SPSB4: variants seen among roughly 807,000 people sequenced by gnomAD.
SPSB4 encodes SPRY domain-containing SOCS box protein 4.
In SPSB4, 21 loss-of-function variants were observed where a neutral mutation model predicts 20.9. That is an observed-to-expected ratio of 1.01 (90% CI 0.71 to 1.45). The LOEUF (loss-of-function observed/expected upper bound fraction) is 1.45. Among genes scored for constraint, SPSB4 ranks in the 40% most tolerant of loss-of-function variants. SPSB4 has a pLI of 0.00. For missense variants in SPSB4, 399 were observed against 399.2 expected, an observed-to-expected ratio of 1.00 and a Z score of 0.00; for synonymous variants, 207 against 183.8, an observed-to-expected ratio of 1.13 and a Z score of -1.02.
chr3:141,057,659 G>C (rs1412091071), intron 1 of SPSB4, among the ~76,000 whole-genome samples: 1 of 152,168 alleles, frequency 6.6e-6, no homozygotes, highest in African/African-American at 2.4e-5. Flanking sequence ...TAAGAGCTGT[G>C]GTGGGCACAA....
At chr3:141,126,578 AC>A (rs752603480) in intron 2 of SPSB4, among the ~76,000 whole-genome samples, 10 of 152,146 alleles carry the variant, frequency 6.6e-5, no homozygotes, top group Non-Finnish European at 1.0e-4. Context: ...CATTGTATCA[AC>A]CCCAGAGGAT....
At chr3:141,062,157 G>T (rs1456640250) in intron 1 of SPSB4, among the ~76,000 whole-genome samples, 1 of 152,072 alleles carries the variant, frequency 6.6e-6, no homozygotes, top group Non-Finnish European at 1.5e-5. Flanking sequence ...TGACCTTGCC[G>T]GTTAGGTCAG....
intron 2 of SPSB4, among the ~76,000 whole-genome samples, chr3:141,084,815 T>A (rs1054942615): frequency 3.3e-5 from 5 of 152,236 alleles, no homozygotes; most frequent in African/African-American, 1.2e-4. Flanking sequence ...CTCCAGATGC[T>A]CATTCATACC....
chr3:141,082,549 C>T (rs1333671673), intron 2 of SPSB4, among the ~76,000 whole-genome samples: 1 of 152,204 alleles, frequency 6.6e-6, no homozygotes, highest in Non-Finnish European at 1.5e-5. Context: ...CTGTGCTTTC[C>T]AGCAATATAG....
chr3:141,109,981 C>T (rs1247949114), intron 2 of SPSB4, among the ~76,000 whole-genome samples: 1 of 152,210 alleles, frequency 6.6e-6, no homozygotes, highest in Admixed American at 6.5e-5. Flanking sequence ...CGCCCCACAG[C>T]CTCACTCCCT....
At chr3:141,075,372 G>T (rs1042853441) in intron 2 of SPSB4, among the ~76,000 whole-genome samples, 1 of 151,906 alleles carries the variant, frequency 6.6e-6, no homozygotes, top group African/African-American at 2.4e-5. Flanking sequence ...CAACCAGGGG[G>T]TTAGCACAGT....
intron 2 of SPSB4, among the ~76,000 whole-genome samples, chr3:141,144,600 G>T (rs1204873266): frequency 6.6e-6 from 1 of 152,214 alleles, no homozygotes. Context: ...CTTTGGAATT[G>T]TCAGTTTACT....
chr3:141,127,202 A>C (rs575844880), intron 2 of SPSB4, among the ~76,000 whole-genome samples: 1 of 152,360 alleles, frequency 6.6e-6, no homozygotes, highest in South Asian at 2.1e-4. Context: ...GCAGCAAGCC[A>C]GCAGTGGACA....
chr3:141,085,845 CA>C (rs1938328662), intron 2 of SPSB4, among the ~76,000 whole-genome samples: 3 of 152,216 alleles, frequency 2.0e-5, no homozygotes, highest in Non-Finnish European at 4.4e-5. Context: ...GCAGCTCCTG[CA>C]AACAGAGCTG....
At chr3:141,143,834 T>C (rs1939373003) in intron 2 of SPSB4, among the ~76,000 whole-genome samples, 1 of 152,266 alleles carries the variant, frequency 6.6e-6, no homozygotes, top group African/African-American at 2.4e-5. Flanking sequence ...CTTTTCATTA[T>C]GTTATTTTAA....
At chr3:141,130,097 G>A (rs896495434) in intron 2 of SPSB4, among the ~76,000 whole-genome samples, 3 of 152,336 alleles carry the variant, frequency 2.0e-5, no homozygotes, top group East Asian at 1.9e-4. Flanking sequence ...GGCCATGACA[G>A]GGCCAGTCGG....
At chr3:141,064,040 G>A (rs1048056599) in intron 1 of SPSB4, among the ~76,000 whole-genome samples, 1 of 152,224 alleles carries the variant, frequency 6.6e-6, no homozygotes, top group Non-Finnish European at 1.5e-5. Flanking sequence ...TTCCCCCAGG[G>A]TGTAGGAGGC....
At chr3:141,093,638 C>T (rs1050253155) in intron 2 of SPSB4, among the ~76,000 whole-genome samples, 17 of 152,156 alleles carry the variant, frequency 1.1e-4, no homozygotes, top group East Asian at 1.9e-4. Flanking sequence ...CACCCTGCGG[C>T]GCTGCAGAAG....
chr3:141,101,305 G>A (rs1336355448), intron 2 of SPSB4, among the ~76,000 whole-genome samples: 1 of 152,182 alleles, frequency 6.6e-6, no homozygotes, highest in Non-Finnish European at 1.5e-5. Flanking sequence ...CCTCAGCATC[G>A]CACTAAGGCT....
At chr3:141,096,794 C>T (rs1938553227) in intron 2 of SPSB4, among the ~76,000 whole-genome samples, 1 of 152,152 alleles carries the variant, frequency 6.6e-6, no homozygotes, top group Admixed American at 6.5e-5. Flanking sequence ...TTAATTTTAA[C>T]TTTATGATTT....
chr3:141,052,103 C>G (rs1269736900), intron 1 of SPSB4, 111 bp downstream of exon 1: 1 of 152,308 alleles, frequency 6.6e-6, no homozygotes, highest in Non-Finnish European at 1.5e-5. Context: ...TCCTGACGTC[C>G]CAGTCCCTGA....
chr3:141,127,662 T>A (rs1454265971), intron 2 of SPSB4, among the ~76,000 whole-genome samples: 2 of 152,166 alleles, frequency 1.3e-5, no homozygotes, highest in Non-Finnish European at 2.9e-5. Flanking sequence ...CTGCCAAACG[T>A]CAACCGGTGG....
intron 2 of SPSB4, among the ~76,000 whole-genome samples, chr3:141,109,249 C>A (rs1049625156): frequency 6.6e-6 from 1 of 152,100 alleles, no homozygotes; most frequent in African/African-American, 2.4e-5. Flanking sequence ...TGCCATGCAC[C>A]TTGCTTCCAT....
At chr3:141,099,775 G>A (rs1195694262) in intron 2 of SPSB4, among the ~76,000 whole-genome samples, 1 of 152,186 alleles carries the variant, frequency 6.6e-6, no homozygotes, top group African/African-American at 2.4e-5. Flanking sequence ...ATTTAGATAA[G>A]AACAAGACAT....
Sources: allele counts gnomAD v4.1 joint callset (sites outside exome capture counted in the v4.1 genomes callset), GRCh38; gene constraint gnomAD v4.1.1; transcripts MANE v1.5; gene names NCBI Gene and HGNC (gene_info 2026-07-23, HGNC 2026-07-21).